Variants in CEP112 observed in about 807,000 individuals in gnomAD.
The protein encoded by CEP112 is centrosomal protein of 112 kDa.
In CEP112, 127 loss-of-function variants were observed where a neutral mutation model predicts 153.0. That is an observed-to-expected ratio of 0.83 (90% CI 0.72 to 0.96). CEP112 has a LOEUF of 0.96. Ranked by LOEUF, CEP112 falls within the 40% of genes least tolerant of loss-of-function variation. CEP112 has a pLI of 0.00. For missense variants in CEP112, 1,089 were observed against 1,101.2 expected, an observed-to-expected ratio of 0.99 and a Z score of 0.16; for synonymous variants, 358 against 374.4, an observed-to-expected ratio of 0.96 and a Z score of 0.51.
chr17:65,730,455 G>A (rs933396063), intron 23 of CEP112, among the ~76,000 whole-genome samples: 5 of 152,136 alleles, frequency 3.3e-5, no homozygotes, highest in African/African-American at 1.2e-4. Context: ...TGAGTGAGCA[G>A]GCAAACCTTC....
At chr17:65,806,770 C>G (rs1020836054) in intron 21 of CEP112, among the ~76,000 whole-genome samples, 1 of 152,200 alleles carries the variant, frequency 6.6e-6, no homozygotes, top group Non-Finnish European at 1.5e-5. Context: ...CCCAGTCATG[C>G]TTCCTGTTAA....
intron 12 of CEP112, among the ~76,000 whole-genome samples, chr17:66,042,752 C>A (rs2066039518): frequency 1.3e-5 from 2 of 152,060 alleles, no homozygotes; most frequent in Admixed American, 1.3e-4. Flanking sequence ...CCAAGATAAC[C>A]TAAGATGTGA....
intron 16 of CEP112, among the ~76,000 whole-genome samples, chr17:66,006,797 T>C (rs1489897204): frequency 6.6e-6 from 1 of 151,368 alleles, no homozygotes; most frequent in African/African-American, 2.4e-5. Context: ...AGGTGGGAGG[T>C]GGGAAAGCTC....
intron 18 of CEP112, among the ~76,000 whole-genome samples, chr17:65,948,390 G>GC (rs35309027): frequency 0.065 from 9,821 of 152,114 alleles, 457 homozygotes; most frequent in African/African-American, 0.12. Flanking sequence ...AAGTCAAGTG[G>GC]CTAGCGGAAG....
At chr17:65,853,790 T>G (rs113068893) in intron 20 of CEP112, among the ~76,000 whole-genome samples, 3 of 152,030 alleles carry the variant, frequency 2.0e-5, no homozygotes, top group Admixed American at 2.0e-4. Flanking sequence ...AGGGACACCA[T>G]TAAACTCAGG....
chr17:65,878,400 A>G (rs868737974), intron 20 of CEP112, among the ~76,000 whole-genome samples: 29 of 152,338 alleles, frequency 1.9e-4, no homozygotes, highest in Middle Eastern at 3.4e-3. Flanking sequence ...ACATTTTTTA[A>G]AAGTCTGCTT....
chr17:65,667,255 A>G (rs996252641), intron 24 of CEP112, among the ~76,000 whole-genome samples: 1 of 152,158 alleles, frequency 6.6e-6, no homozygotes, highest in Non-Finnish European at 1.5e-5. Flanking sequence ...CCAAGCCTTA[A>G]CACATGATTT....
At chr17:65,690,469 G>T (rs1235166292) in intron 23 of CEP112, among the ~76,000 whole-genome samples, 2 of 148,350 alleles carry the variant, frequency 1.3e-5, no homozygotes, top group East Asian at 3.9e-4. Context: ...CACATGCTTA[G>T]ATTATAATGG....
At chr17:65,914,537 G>C (rs999765283) in intron 19 of CEP112, among the ~76,000 whole-genome samples, 11 of 151,924 alleles carry the variant, frequency 7.2e-5, no homozygotes. Flanking sequence ...TCACCAAATT[G>C]GCTGGTCCAC....
chr17:66,006,605 C>CA (rs529573892), intron 16 of CEP112, among the ~76,000 whole-genome samples: 3,669 of 136,088 alleles, frequency 0.027, 60 homozygotes, highest in Non-Finnish European at 0.036. Context: ...GACTCCATCT[C>CA]AAAAAAAAAA....
chr17:65,819,886 T>C (rs1434394955), intron 21 of CEP112, among the ~76,000 whole-genome samples: 2 of 152,034 alleles, frequency 1.3e-5, no homozygotes, highest in African/African-American at 4.8e-5. Flanking sequence ...CATTGGGTCC[T>C]AGAACAACAA....
At chr17:66,024,648 G>GACAC (rs937743287) in intron 16 of CEP112, among the ~76,000 whole-genome samples, 7 of 152,070 alleles carry the variant, frequency 4.6e-5, no homozygotes, top group Non-Finnish European at 7.4e-5. Flanking sequence ...AGTTGTAGAT[G>GACAC]ACACAAACAA....
intron 21 of CEP112, among the ~76,000 whole-genome samples, chr17:65,844,092 T>C (rs2057627355): frequency 6.6e-6 from 1 of 151,890 alleles, no homozygotes; most frequent in African/African-American, 2.4e-5. Flanking sequence ...TTCCCGAAAA[T>C]GAAATATAAA....
chr17:65,658,307 AG>A (rs568614895), intron 24 of CEP112, among the ~76,000 whole-genome samples: 6 of 152,346 alleles, frequency 3.9e-5, no homozygotes, highest in Non-Finnish European at 7.3e-5. Flanking sequence ...TCTGGGATTC[AG>A]GGGGGCAGCT....
At position 65,769,194 on chromosome 17, in the gene CEP112, AT is replaced by A. The variant is rs548263248; in HGVS notation, c.2395-18471del. ...CCTCATTTACAATCACATCAAAAAA[AT>A]AAAATAGGAATAAATTTAACCAAGG... On this transcript the variant is annotated intron_variant, in intron 21 of 26. Coordinates refer to ENST00000535342, the MANE Select transcript of CEP112 (RefSeq NM_001199165.4). Among the ~76,000 whole-genome samples the A allele has an allele frequency of 8.2e-3, 1,249 of 152,156 alleles. 13 individuals carry two copies. Among genetic ancestry groups the A allele is most frequent in the South Asian group, 0.02 (96 of 4,824 alleles).
chr17:66,052,046 T>C (rs759386662), intron 12 of CEP112, among the ~76,000 whole-genome samples: 3 of 152,216 alleles, frequency 2.0e-5, no homozygotes, highest in Non-Finnish European at 4.4e-5. Context: ...TAATGAAGTA[T>C]AGGGTATTTC....
chr17:66,014,691 TC>T (rs1361759012), intron 16 of CEP112, among the ~76,000 whole-genome samples: 1 of 151,950 alleles, frequency 6.6e-6, no homozygotes, highest in African/African-American at 2.4e-5. Context: ...ACTCACCCAT[TC>T]CCCAGGAGAC....
intron 16 of CEP112, among the ~76,000 whole-genome samples, chr17:66,013,436 G>A (rs1472504820): frequency 6.6e-6 from 1 of 152,070 alleles, no homozygotes; most frequent in African/African-American, 2.4e-5. Flanking sequence ...GATGTCCTTG[G>A]GGGTTTGTGG....
intron 4 of CEP112, among the ~76,000 whole-genome samples, chr17:66,158,601 G>A (rs940797767): frequency 8.6e-5 from 13 of 152,012 alleles, no homozygotes; most frequent in African/African-American, 2.9e-4. Context: ...GACAGAGCGA[G>A]ACTCCATCTC....
Sources: gnomAD v4.1 joint callset for allele counts (sites outside exome capture counted in the v4.1 genomes callset) on GRCh38, gnomAD v4.1.1 for gene constraint, MANE v1.5 for transcripts, NCBI Gene and HGNC (gene_info 2026-07-23, HGNC 2026-07-21) for gene names.